Variants in SPINK13 observed in about 807,000 individuals in gnomAD.
SPINK13 encodes the protein serine peptidase inhibitor Kazal type 13, also known as serine protease inhibitor Kazal-type 13.
Under a neutral mutation model 11.0 loss-of-function variants are expected in SPINK13, and 11 were observed. The observed-to-expected ratio is 1.00, with a 90% CI of 0.63 to 1.65. The LOEUF is 1.65. Ranked by LOEUF, SPINK13 falls within the 40% of genes most tolerant of loss-of-function variation. SPINK13 has a pLI of 0.00. For synonymous variants in SPINK13, 31 were observed against 35.6 expected (o/e 0.87, Z 0.46); for missense variants, 113 against 117.7 (o/e 0.96, Z 0.19).
intron 4 of SPINK13, among the ~76,000 whole-genome samples, chr5:148,283,643 T>A (rs1263109682): frequency 6.6e-6 from 1 of 152,220 alleles, no homozygotes; most frequent in African/African-American, 2.4e-5. Context: ...GCTCTACTGT[T>A]CTCATTAAAA....
chr5:148,276,047 A>G (rs1756423383), intron 3 of SPINK13, among the ~76,000 whole-genome samples: 2 of 152,192 alleles, frequency 1.3e-5, no homozygotes, highest in African/African-American at 4.8e-5. Flanking sequence ...TCTGATGACC[A>G]GTGATGATGA....
intron 4 of SPINK13, among the ~76,000 whole-genome samples, chr5:148,284,159 C>T (rs1756557986): frequency 1.5e-5 from 2 of 136,870 alleles, no homozygotes; most frequent in Admixed American, 7.0e-5. Context: ...TCCTTCTTTC[C>T]TTCCTTCCTT....
chr5:148,270,153 T>G lies in SPINK13; in HGVS notation c.70+11T>G. On this transcript the variant is annotated intron_variant, in intron 2 of 4. Coordinates refer to ENST00000398450, the MANE Select transcript of SPINK13 (RefSeq NM_001040129.3). ...ATGTGGCTTTCTCAGGTGAGTAACCTAAGAGGTTTTGGGAGATAAACTCTG... is the reference window on the plus strand; with the variant it reads ...ATGTGGCTTTCTCAGGTGAGTAACCGAAGAGGTTTTGGGAGATAAACTCTG... The G allele has an allele frequency of 6.2e-7, 1 of 1,613,342 alleles. No individual in the cohort carries two copies. The highest frequency in any genetic ancestry group is 8.5e-7 in the Non-Finnish European group (1 of 1,179,414).
intron 3 of SPINK13, among the ~76,000 whole-genome samples, chr5:148,281,029 G>C (rs1337176112): frequency 6.6e-6 from 1 of 152,176 alleles, no homozygotes; most frequent in Non-Finnish European, 1.5e-5. Context: ...CAGCTTTGCT[G>C]AGCTGCAGTG....
At chr5:148,273,790 C>G (rs1756384470) in intron 2 of SPINK13, among the ~76,000 whole-genome samples, 1 of 152,082 alleles carries the variant, frequency 6.6e-6, no homozygotes, top group South Asian at 2.1e-4. Context: ...ACAATAAGTA[C>G]TTTCTTATTT....
intron 3 of SPINK13, among the ~76,000 whole-genome samples, chr5:148,274,625 T>C (rs1255304645): frequency 6.6e-6 from 1 of 152,078 alleles, no homozygotes. Flanking sequence ...GGCAAGGCTG[T>C]AGCCAGCTAC....
Position 148,270,054 on chromosome 5 carries a change from G to T in SPINK13, c.-19G>T. Reference sequence around the variant, plus strand: ...CATGTTCACAGGCCTTATCAAAGAAGAGTCTTATATGAGATCAAATGGCTG... The same window carrying T: ...CATGTTCACAGGCCTTATCAAAGAATAGTCTTATATGAGATCAAATGGCTG... On this transcript the variant is annotated 5_prime_UTR_variant, in exon 2 of 5. Coordinates refer to ENST00000398450, the MANE Select transcript of SPINK13 (RefSeq NM_001040129.3). 1 of 1,612,848 alleles carries T rather than the reference G, an allele frequency of 6.2e-7. No homozygotes were observed. Among genetic ancestry groups the T allele is most frequent in the Non-Finnish European group, 8.5e-7 (1 of 1,179,314 alleles).
intron 4 of SPINK13, among the ~76,000 whole-genome samples, chr5:148,285,417 T>C (rs1213571623): frequency 6.6e-6 from 1 of 152,182 alleles, no homozygotes; most frequent in Non-Finnish European, 1.5e-5. Flanking sequence ...ATCTACACAG[T>C]GCCAACTGTT....
chr5:148,273,773 G>A (rs921546056), intron 2 of SPINK13, among the ~76,000 whole-genome samples: 1 of 152,140 alleles, frequency 6.6e-6, no homozygotes, highest in African/African-American at 2.4e-5. Context: ...ATAAGTAAGA[G>A]CATAATACAA....
chr5:148,270,263 C>A, intron 2 of SPINK13, 121 bp downstream of exon 2: 3 of 870,046 alleles, frequency 3.4e-6, no homozygotes, highest in Non-Finnish European at 5.4e-6. Flanking sequence ...CAGTGCAGTC[C>A]AAACTGGGTA....
chr5:148,275,972 T>G (rs781563162), intron 3 of SPINK13, among the ~76,000 whole-genome samples: 1 of 152,198 alleles, frequency 6.6e-6, no homozygotes, highest in Non-Finnish European at 1.5e-5. Context: ...GTTTCCTGCC[T>G]TTTTAATGAT....
chr5:148,278,717 G>A (rs1292107814), intron 3 of SPINK13, among the ~76,000 whole-genome samples: 2 of 152,154 alleles, frequency 1.3e-5, no homozygotes, highest in Non-Finnish European at 2.9e-5. Context: ...GAATAAGTGC[G>A]ATGTGGTGCT....
At chr5:148,282,449 G>C (rs914465915) in intron 4 of SPINK13, among the ~76,000 whole-genome samples, 1 of 152,048 alleles carries the variant, frequency 6.6e-6, no homozygotes, top group Non-Finnish European at 1.5e-5. Flanking sequence ...AAGAAAAAAG[G>C]CTTACATAAT....
intron 4 of SPINK13, 87 bp downstream of exon 4, chr5:148,282,318 C>T (rs1433374267): frequency 2.4e-5 from 35 of 1,485,408 alleles, no homozygotes; most frequent in Non-Finnish European, 3.2e-5. Flanking sequence ...TTGGGTTTTA[C>T]TGATGCATAC....
chr5:148,282,097 T>G lies in SPINK13; in HGVS notation c.109-7T>G. ...ATTTGTCACTTTATGGTGTCATGTA[T>G]TTGCAGCCCCGATGTAAAATGTATA... On this transcript the variant is annotated splice_polypyrimidine_tract_variant and splice_region_variant and intron_variant, in intron 3 of 4. Transcript: ENST00000398450. The G allele has an allele frequency of 1.2e-6, 2 of 1,614,010 alleles. No homozygotes were observed. The highest frequency in any genetic ancestry group is 1.7e-6 in the Non-Finnish European group (2 of 1,179,918).
rs368951502 is a variant in SPINK13, at chr5:148,286,045, T to C, written c.282T>C (p.Asp94=). The C allele has an allele frequency of 3.3e-4, 483 of 1,453,478 alleles. No homozygotes were observed. Among genetic ancestry groups the C allele is most frequent in the Non-Finnish European group, 3.8e-4 (405 of 1,060,510 alleles). The allele number at this position is 1,453,478 out of a possible 1,614,324, so 90.0% of individuals were successfully genotyped here. ...RIKFEKYGKC[D] ...AATTTGAAAAATATGGAAAATGTGATTAATGGGTACCAGAGTAACTACACT... is the reference window on the plus strand; with the variant it reads ...AATTTGAAAAATATGGAAAATGTGACTAATGGGTACCAGAGTAACTACACT... The change falls in exon 5 of 5, where the codon GAT becomes GAC. Residue 94 remains aspartate (D), a synonymous_variant. Coordinates refer to ENST00000398450, the MANE Select transcript of SPINK13 (RefSeq NM_001040129.3).
intron 3 of SPINK13, among the ~76,000 whole-genome samples, chr5:148,275,075 G>T (rs568529831): frequency 6.0e-4 from 91 of 152,208 alleles, no homozygotes; most frequent in African/African-American, 2.1e-3. Flanking sequence ...ATGGTGGTTT[G>T]CTGCACCCAT....
intron 2 of SPINK13, 70 bp from the exon 3 acceptor site, chr5:148,274,277 T>C (rs937923298): frequency 9.3e-6 from 10 of 1,075,808 alleles, no homozygotes; most frequent in Non-Finnish European, 1.3e-5. Flanking sequence ...ATCAGTGACT[T>C]CAGTAGGTGA....
At chr5:148,272,945 T>G (rs920070894) in intron 2 of SPINK13, among the ~76,000 whole-genome samples, 1 of 152,176 alleles carries the variant, frequency 6.6e-6, no homozygotes, top group Admixed American at 6.5e-5. Context: ...ATTGCCAAAT[T>G]TTACTTCATA....
Sources: allele counts gnomAD v4.1 joint callset (sites outside exome capture counted in the v4.1 genomes callset), GRCh38; gene constraint gnomAD v4.1.1; transcripts MANE v1.5; gene names NCBI Gene and HGNC (gene_info 2026-07-23, HGNC 2026-07-21).